Variants in LRBA observed in about 807,000 individuals in gnomAD.
LRBA encodes LPS responsive beige-like anchor protein, also known as lipopolysaccharide-responsive and beige-like anchor protein.
In LRBA, 176 loss-of-function variants were observed where a neutral mutation model predicts 330.0. The ratio of observed to expected loss-of-function variants is 0.53; its 90% CI spans 0.47 to 0.60. The LOEUF is 0.60. LRBA is among the 20% of genes least tolerant of loss of function. The pLI is 0.00. For synonymous variants in LRBA, 1,230 were observed against 1,193.0 expected (o/e 1.03, Z -0.64); for missense variants, 3,259 against 3,444.8 (o/e 0.95, Z 1.35).
intron 44 of LRBA, among the ~76,000 whole-genome samples, chr4:150,446,195 T>C (rs1016714437): frequency 2.0e-5 from 3 of 152,096 alleles, no homozygotes; most frequent in Non-Finnish European, 4.4e-5. Flanking sequence ...TGAAGGGAGA[T>C]TGATTTTAAA....
At chr4:150,586,600 A>C (rs920065889) in intron 40 of LRBA, among the ~76,000 whole-genome samples, 3 of 152,164 alleles carry the variant, frequency 2.0e-5, no homozygotes, top group Non-Finnish European at 4.4e-5. Context: ...CATTGAGCCA[A>C]AAGATCTCCA....
At chr4:150,989,234 G>C in intron 2 of LRBA, among the ~76,000 whole-genome samples, 1 of 150,620 alleles carries the variant, frequency 6.6e-6, no homozygotes, top group Middle Eastern at 3.5e-3. Flanking sequence ...TCAAACTCCC[G>C]ATCTGAAGTG....
intron 37 of LRBA, among the ~76,000 whole-genome samples, chr4:150,618,130 C>T (rs149273020): frequency 2.0e-5 from 3 of 152,160 alleles, no homozygotes; most frequent in African/African-American, 7.2e-5. Flanking sequence ...AAAAAGAACT[C>T]TTAGATTCTG....
intron 37 of LRBA, among the ~76,000 whole-genome samples, chr4:150,641,880 T>A (rs1778712419): frequency 6.6e-6 from 1 of 152,088 alleles, no homozygotes; most frequent in African/African-American, 2.4e-5. Flanking sequence ...AAGTGAAGCA[T>A]GAGGCTATTA....
intron 2 of LRBA, among the ~76,000 whole-genome samples, chr4:150,988,948 G>C (rs1481580420): frequency 2.0e-5 from 3 of 151,912 alleles, no homozygotes; most frequent in African/African-American, 7.3e-5. Context: ...ATTGGGGGTG[G>C]GGGGGACACG....
intron 28 of LRBA, among the ~76,000 whole-genome samples, chr4:150,837,682 T>C (rs566128616): frequency 6.6e-6 from 1 of 152,370 alleles, no homozygotes; most frequent in Admixed American, 6.5e-5. Flanking sequence ...AGCCTATGTG[T>C]GTCTCTGCAT....
chr4:150,816,364 C>T (rs563711507), intron 31 of LRBA, among the ~76,000 whole-genome samples: 2 of 152,066 alleles, frequency 1.3e-5, no homozygotes, highest in East Asian at 3.9e-4. Flanking sequence ...ACCACTGATA[C>T]AGTAACATCC....
intron 44 of LRBA, among the ~76,000 whole-genome samples, chr4:150,456,412 T>C (rs190971336): frequency 4.6e-4 from 70 of 152,284 alleles, no homozygotes; most frequent in African/African-American, 1.6e-3. Flanking sequence ...TTTGCATTTC[T>C]CTGATGATCA....
rs1056027035 is a variant in LRBA, at chr4:150,795,249, T to G, written c.5580+2832A>C. ...TTATATAATGCTGGAGTAATATTACTTGAAACATTTGCTTAACATTTTCTT... is the reference window on the plus strand; with the variant it reads ...TTATATAATGCTGGAGTAATATTACGTGAAACATTTGCTTAACATTTTCTT... On this transcript the variant is annotated intron_variant, in intron 34 of 56. Coordinates refer to ENST00000651943, the MANE Select transcript of LRBA (RefSeq NM_001364905.1). Among the ~76,000 whole-genome samples, 54 of 152,212 alleles carry G rather than the reference T, an allele frequency of 3.5e-4. 1 individual carries two copies. Among genetic ancestry groups the G allele is most frequent in the Admixed American group, 8.5e-4 (13 of 15,286 alleles).
intron 2 of LRBA, among the ~76,000 whole-genome samples, chr4:150,953,346 G>T (rs891142297): frequency 6.0e-5 from 9 of 151,122 alleles, no homozygotes; most frequent in African/African-American, 1.9e-4. Flanking sequence ...TAAAAGAATA[G>T]CTCCCTCTCC....
intron 48 of LRBA, among the ~76,000 whole-genome samples, chr4:150,335,995 G>A (rs1734677260): frequency 6.6e-6 from 1 of 152,312 alleles, no homozygotes; most frequent in Non-Finnish European, 1.5e-5. Flanking sequence ...CACGCCTGGC[G>A]AAGCCACTGT....
chr4:150,583,455 G>C lies in LRBA; in HGVS notation c.6330+4593C>G. 6.2e-7 allele frequency: 1 copy of C among 1,613,898 alleles called. No individual in the cohort carries two copies. The highest frequency in any genetic ancestry group is 8.5e-7 in the Non-Finnish European group (1 of 1,180,028). On this transcript the variant is annotated intron_variant, in intron 40 of 56. Coordinates refer to ENST00000651943, the MANE Select transcript of LRBA (RefSeq NM_001364905.1). The surrounding 1 kb of genome is among the most constrained non-coding windows in gnomAD (Gnocchi z 9.8). Reference sequence around the variant, plus strand: ...CGCTGGTGGCCCAGGCGGTGGACAAGTGCAGCTATCGGGATGTGGTCAAGA... The same window carrying C: ...CGCTGGTGGCCCAGGCGGTGGACAACTGCAGCTATCGGGATGTGGTCAAGA...
chr4:150,574,717 G>C lies in LRBA; in HGVS notation c.6330+13331C>G, dbSNP rs186713846. 2.1e-4 allele frequency among the ~76,000 whole-genome samples: 32 copies of C among 152,002 alleles called. No individual in the cohort carries two copies. The East Asian group carries it at 5.6e-3, about 27-fold the overall frequency. ...TAAAGTTTATAGAAAGCTTTGATTA[G>C]CAGAAAAGATTAGATTATTCGTAGA... On this transcript the variant is annotated intron_variant, in intron 40 of 56. Transcript: ENST00000651943.
intron 36 of LRBA, among the ~76,000 whole-genome samples, chr4:150,697,551 C>G (rs1784759805): frequency 6.6e-6 from 1 of 151,772 alleles, no homozygotes; most frequent in Non-Finnish European, 1.5e-5. Flanking sequence ...TATCCTGATA[C>G]ATGTTTATAT....
Position 150,844,672 on chromosome 4 carries a change from T to A in LRBA, c.4447A>T (p.Lys1483Ter). ...TGTATACTTACCTTCGCTGCAGATT[T>A]CCCTAAAGGAATAAGGCTATGCATT... ...KPMHSLIPLG[K>*]SAAKSPVDIV... Residue 1483 changes from lysine to a stop codon, truncating the protein, a stop_gained, in exon 27 of 57, where the codon AAA (lysine) becomes TAA (stop). Transcript: ENST00000651943. LOFTEE classifies it high-confidence loss of function. The A allele has an allele frequency of 6.2e-7, 1 of 1,612,546 alleles. No homozygotes were observed. Among genetic ancestry groups the A allele is most frequent in the Non-Finnish European group, 8.5e-7 (1 of 1,179,262 alleles).
At chr4:150,320,609 C>T (rs1405864200) in intron 50 of LRBA, among the ~76,000 whole-genome samples, 1 of 151,968 alleles carries the variant, frequency 6.6e-6, no homozygotes, top group African/African-American at 2.4e-5. Context: ...GAGTTCAAGA[C>T]CAGCCTGGGC....
chr4:150,949,281 G>A (rs1275315887), intron 2 of LRBA, among the ~76,000 whole-genome samples: 1 of 151,984 alleles, frequency 6.6e-6, no homozygotes, highest in African/African-American at 2.4e-5. Flanking sequence ...ACAAACTATT[G>A]ACACACACAG....
chr4:150,684,318 T>C (rs745579064), intron 36 of LRBA, among the ~76,000 whole-genome samples: 1 of 152,140 alleles, frequency 6.6e-6, no homozygotes, highest in Non-Finnish European at 1.5e-5. Flanking sequence ...CAATAGTAAA[T>C]TGAGCTAGTT....
intron 2 of LRBA, among the ~76,000 whole-genome samples, chr4:151,010,126 G>T (rs536374157): frequency 6.6e-6 from 1 of 152,108 alleles, no homozygotes; most frequent in African/African-American, 2.4e-5. Context: ...TATCCACTAG[G>T]GGTTCTGGAA....
Sources: allele counts gnomAD v4.1 joint callset (sites outside exome capture counted in the v4.1 genomes callset), GRCh38; gene constraint gnomAD v4.1.1; non-coding constraint Gnocchi (gnomAD v3.1); transcripts MANE v1.5; gene names NCBI Gene and HGNC (gene_info 2026-07-23, HGNC 2026-07-21).